Variants in GRIA1 observed in about 807,000 individuals in gnomAD.
GRIA1 encodes the protein glutamate ionotropic receptor AMPA type subunit 1, also known as glutamate receptor 1.
A neutral mutation model predicts 99.2 loss-of-function variants in GRIA1; 31 were observed. That is an observed-to-expected ratio of 0.31 (90% CI 0.23 to 0.42). The LOEUF (loss-of-function observed/expected upper bound fraction) is 0.42. GRIA1 is among the 10% of genes least tolerant of loss of function. The pLI is 1.00. For missense variants in GRIA1, 782 were observed against 1,157.5 expected (o/e 0.68, Z 4.71); for synonymous variants, 438 against 432.4 (o/e 1.01, Z -0.16).
chr5:153,804,427 G>A (rs1361951012), intron 15 of GRIA1, among the ~76,000 whole-genome samples: 1 of 152,160 alleles, frequency 6.6e-6, no homozygotes, highest in Non-Finnish European at 1.5e-5. Context: ...CCAAAATGAG[G>A]AAAGGTTACT....
intron 2 of GRIA1, among the ~76,000 whole-genome samples, chr5:153,622,694 C>T (rs1298092924): frequency 6.6e-6 from 1 of 152,110 alleles, no homozygotes; most frequent in Non-Finnish European, 1.5e-5. Flanking sequence ...AATATCATAT[C>T]ACTACCACTA....
At chr5:153,532,691 C>T (rs1233937087) in intron 2 of GRIA1, among the ~76,000 whole-genome samples, 2 of 152,116 alleles carry the variant, frequency 1.3e-5, no homozygotes, top group Non-Finnish European at 2.9e-5. Flanking sequence ...CCCCTGTGGG[C>T]ATCTGGATTT....
At chr5:153,748,403 G>A (rs1762295591) in intron 11 of GRIA1, among the ~76,000 whole-genome samples, 1 of 152,160 alleles carries the variant, frequency 6.6e-6, no homozygotes, top group Non-Finnish European at 1.5e-5. Context: ...AGATCAAAGT[G>A]GCTGGAACAT....
chr5:153,686,101 A>G (rs1161659919), intron 7 of GRIA1, 124 bp from the exon 8 acceptor site: 4 of 731,460 alleles, frequency 5.5e-6, no homozygotes, highest in East Asian at 2.5e-5. Flanking sequence ...TTTAGCATTC[A>G]GGATACTCCA....
intron 2 of GRIA1, among the ~76,000 whole-genome samples, chr5:153,495,324 T>A (rs1320785154): frequency 6.6e-6 from 1 of 152,216 alleles, no homozygotes; most frequent in Admixed American, 6.5e-5. Flanking sequence ...ACAGGAGCTT[T>A]GCAGAGTACT....
rs575093089 is a variant in GRIA1, at chr5:153,802,413, G to T, written c.2443G>T (p.Gly815Ter). 6.2e-7 allele frequency: 1 copy of T among 1,613,650 alleles called. No individual in the cohort carries two copies. The highest frequency in any genetic ancestry group is 1.3e-5 in the African/African-American group (1 of 74,972). Residue 815 changes from glycine to a stop codon, truncating the protein, a stop_gained, in exon 15 of 16, where the codon GGA becomes TGA. Coordinates refer to ENST00000285900, the MANE Select transcript of GRIA1 (RefSeq NM_000827.4). LOFTEE classifies it high-confidence loss of function. ...NVAGVFYILI[G>*]GLGLAMLVAL... Reference sequence around the variant, plus strand: ...GGCAGGCGTGTTCTACATCCTGATCGGAGGACTTGGACTAGCCATGCTGGT... The same window carrying T: ...GGCAGGCGTGTTCTACATCCTGATCTGAGGACTTGGACTAGCCATGCTGGT...
At chr5:153,522,645 C>T (rs1046145852) in intron 2 of GRIA1, among the ~76,000 whole-genome samples, 10 of 152,188 alleles carry the variant, frequency 6.6e-5, no homozygotes, top group Non-Finnish European at 1.5e-4. Flanking sequence ...ACCATCCTAA[C>T]ATGATCACAG....
chr5:153,721,217 T>G (rs1760045032), intron 11 of GRIA1, among the ~76,000 whole-genome samples: 1 of 152,230 alleles, frequency 6.6e-6, no homozygotes, highest in Non-Finnish European at 1.5e-5. Flanking sequence ...TTGTTTTTAT[T>G]TAACTTCAAC....
intron 13 of GRIA1, among the ~76,000 whole-genome samples, chr5:153,778,192 AGTGTGTGTGT>A (rs61414750): frequency 0.018 from 691 of 37,354 alleles, 5 homozygotes; most frequent in South Asian, 0.12. Flanking sequence ...AGAGAGAGAG[AGTGTGTGTGT>A]GTGTGTGTGT....
rs534470233 is a variant in GRIA1, at chr5:153,535,131, AG to A, written c.220+41068del. Reference sequence around the variant, plus strand: ...GAGACAGGGCTTCCCCATGTTGGCCAGGCTGGTCTTGAACTCCTGACCTCAA... The same window carrying A: ...GAGACAGGGCTTCCCCATGTTGGCCAGCTGGTCTTGAACTCCTGACCTCAA... On this transcript the variant is annotated intron_variant, in intron 2 of 15. Transcript: ENST00000285900. Among the ~76,000 whole-genome samples the A allele has an allele frequency of 4.6e-5, 7 of 152,202 alleles. No homozygotes were observed. The South Asian group carries it at 1.5e-3, about 32-fold the overall frequency.
intron 2 of GRIA1, among the ~76,000 whole-genome samples, chr5:153,586,836 G>C (rs554075118): frequency 6.6e-6 from 1 of 152,292 alleles, no homozygotes; most frequent in South Asian, 2.1e-4. Flanking sequence ...AAGCACAGAA[G>C]CATTATTGAG....
chr5:153,789,347 T>C (rs997329802), intron 13 of GRIA1, among the ~76,000 whole-genome samples: 1 of 149,958 alleles, frequency 6.7e-6, no homozygotes, highest in African/African-American at 2.5e-5. Flanking sequence ...CTCCTACATA[T>C]ATGATATAAA....
chr5:153,564,970 C>G (rs908701903), intron 2 of GRIA1, among the ~76,000 whole-genome samples: 17 of 152,198 alleles, frequency 1.1e-4, no homozygotes, highest in African/African-American at 4.8e-5. Flanking sequence ...TGAGCACCTC[C>G]TTTGCCCAAG....
At chr5:153,680,419 C>T (rs1561760756) in intron 7 of GRIA1, among the ~76,000 whole-genome samples, 2 of 151,976 alleles carry the variant, frequency 1.3e-5, no homozygotes, top group African/African-American at 4.8e-5. Flanking sequence ...CTCCCCAAGT[C>T]GGGTTCTTAA....
At chr5:153,647,921 C>T (rs929501039) in intron 3 of GRIA1, among the ~76,000 whole-genome samples, 24 of 152,166 alleles carry the variant, frequency 1.6e-4, no homozygotes, top group African/African-American at 5.8e-4. Flanking sequence ...CCCTATTCCC[C>T]AATTCTGTGG....
In GRIA1 at chr5:153,505,912, G is replaced by A. The variant is rs147666080; in HGVS notation, c.220+11847G>A. Among the ~76,000 whole-genome samples the A allele has an allele frequency of 8.1e-4, 123 of 152,326 alleles. 1 individual carries two copies. Among genetic ancestry groups the A allele is most frequent in the Middle Eastern group, 3.4e-3 (1 of 294 alleles). Reference sequence around the variant, plus strand: ...GGTCAAAGAAGGCATTTCAAAGGAGGTGACTTCTGAGCTCAGATATAAAAG... The same window carrying A: ...GGTCAAAGAAGGCATTTCAAAGGAGATGACTTCTGAGCTCAGATATAAAAG... On this transcript the variant is annotated intron_variant, in intron 2 of 15. Transcript: ENST00000285900.
intron 11 of GRIA1, among the ~76,000 whole-genome samples, chr5:153,738,856 G>T (rs1375193599): frequency 6.6e-6 from 1 of 151,516 alleles, no homozygotes; most frequent in Non-Finnish European, 1.5e-5. Context: ...CCAAGTAGCT[G>T]GGATTACAGG....
intron 2 of GRIA1, among the ~76,000 whole-genome samples, chr5:153,634,242 C>T (rs905523572): frequency 3.3e-5 from 5 of 150,562 alleles, no homozygotes; most frequent in South Asian, 4.2e-4. Flanking sequence ...GGCGTGAACC[C>T]GGGAGGTGGA....
chr5:153,801,303 C>A (rs1766008596), intron 14 of GRIA1, among the ~76,000 whole-genome samples: 1 of 142,132 alleles, frequency 7.0e-6, no homozygotes, highest in African/African-American at 2.8e-5. Flanking sequence ...TCTGGCTCCA[C>A]AGGGTGAGCC....
Sources: allele counts gnomAD v4.1 joint callset (sites outside exome capture counted in the v4.1 genomes callset), GRCh38; gene constraint gnomAD v4.1.1; transcripts MANE v1.5; gene names NCBI Gene and HGNC (gene_info 2026-07-23, HGNC 2026-07-21).